BRINP3: variants seen among roughly 807,000 people sequenced by gnomAD.
The protein encoded by BRINP3 is BMP/retinoic acid inducible neural specific 3, also known as BMP/retinoic acid-inducible neural-specific protein 3.
A neutral mutation model predicts 71.0 loss-of-function variants in BRINP3; 19 were observed. That is an observed-to-expected ratio of 0.27 (90% CI 0.19 to 0.39). BRINP3 has a LOEUF of 0.39. BRINP3 is among the 10% of genes least tolerant of loss of function. The pLI is 1.00. For missense variants in BRINP3, 959 were observed against 940.8 expected (o/e 1.02, Z -0.25); for synonymous variants, 380 against 337.7 (o/e 1.13, Z -1.37).
At chr1:190,317,561 T>C (rs1422500706) in intron 2 of BRINP3, among the ~76,000 whole-genome samples, 2 of 152,304 alleles carry the variant, frequency 1.3e-5, no homozygotes, top group East Asian at 1.9e-4. Flanking sequence ...ATATTCATCA[T>C]TCCCTTTCTC....
intron 2 of BRINP3, among the ~76,000 whole-genome samples, chr1:190,287,084 G>A (rs1474491136): frequency 3.3e-5 from 5 of 150,868 alleles, no homozygotes; most frequent in East Asian, 2.0e-4. Context: ...AAAAATAGCC[G>A]ACTGTGGTGG....
chr1:190,115,645 A>C (rs777705665), intron 7 of BRINP3, among the ~76,000 whole-genome samples: 8 of 152,086 alleles, frequency 5.3e-5, no homozygotes, highest in Non-Finnish European at 8.8e-5. Flanking sequence ...GAACATCCCG[A>C]CTCTCTGCCT....
chr1:190,297,381 G>C (rs1010416245), intron 2 of BRINP3, among the ~76,000 whole-genome samples: 1 of 151,684 alleles, frequency 6.6e-6, no homozygotes, highest in Non-Finnish European at 1.5e-5. Flanking sequence ...ACTCAAAAAA[G>C]ATTAAAGACT....
chr1:190,241,589 G>T (rs1410531639), intron 4 of BRINP3, among the ~76,000 whole-genome samples: 1 of 151,896 alleles, frequency 6.6e-6, no homozygotes, highest in Non-Finnish European at 1.5e-5. Context: ...AAAAAATATT[G>T]CTATGAATGT....
At chr1:190,263,780 G>T (rs958356658) in intron 4 of BRINP3, among the ~76,000 whole-genome samples, 2 of 151,696 alleles carry the variant, frequency 1.3e-5, no homozygotes, top group African/African-American at 2.4e-5. Context: ...AGTAGAGAGG[G>T]TTTCACTGTG....
chr1:190,409,247 A>G (rs1442162022), intron 2 of BRINP3, among the ~76,000 whole-genome samples: 1 of 152,154 alleles, frequency 6.6e-6, no homozygotes, highest in South Asian at 2.1e-4. Context: ...AAAAATAATA[A>G]TAGTAAATAA....
intron 2 of BRINP3, among the ~76,000 whole-genome samples, chr1:190,313,596 A>G (rs995392234): frequency 3.9e-5 from 6 of 152,020 alleles, no homozygotes; most frequent in African/African-American, 1.4e-4. Context: ...TATTCTTACA[A>G]CATCATCAAC....
rs200538896 is a variant in BRINP3, at chr1:190,168,461, G to A, written c.962-7571C>T. ...TCAGAGTGTGGTCTTATAAAAATCC[G>A]GTAATAAATTCAATTTCTCCTATAT... is the stretch of plus-strand genomic sequence containing the variant. On this transcript the variant is annotated intron_variant, in intron 6 of 7. Coordinates refer to ENST00000367462, the MANE Select transcript of BRINP3 (RefSeq NM_199051.3). Among the ~76,000 whole-genome samples the A allele has an allele frequency of 3.7e-4, 56 of 152,138 alleles. No homozygotes were observed. The East Asian group carries it at 6.6e-3, about 18-fold the overall frequency.
chr1:190,208,588 C>T (rs924942548), intron 6 of BRINP3, among the ~76,000 whole-genome samples: 4 of 151,948 alleles, frequency 2.6e-5, no homozygotes, highest in South Asian at 2.1e-4. Context: ...CTCTGTCTCC[C>T]GGTTCAAGCG....
chr1:190,280,134 G>C (rs1662923362), intron 3 of BRINP3, among the ~76,000 whole-genome samples: 2 of 151,874 alleles, frequency 1.3e-5, no homozygotes, highest in South Asian at 4.1e-4. Context: ...ATGTGATCAT[G>C]AAATAGTAGA....
chr1:190,470,217 T>C (rs1399614387), intron 1 of BRINP3, among the ~76,000 whole-genome samples: 1 of 151,036 alleles, frequency 6.6e-6, no homozygotes, highest in Admixed American at 6.6e-5. Flanking sequence ...CCTGATGAGC[T>C]TGGCTAATAC....
intron 7 of BRINP3, among the ~76,000 whole-genome samples, chr1:190,148,131 T>G (rs1475191496): frequency 6.6e-6 from 1 of 152,108 alleles, no homozygotes; most frequent in East Asian, 1.9e-4. Flanking sequence ...ACAATTCTAT[T>G]TTATATATTT....
chr1:190,128,011 T>A (rs908566020), intron 7 of BRINP3, among the ~76,000 whole-genome samples: 4 of 151,844 alleles, frequency 2.6e-5, no homozygotes, highest in African/African-American at 9.7e-5. Context: ...ATATCAATGC[T>A]GCTTTCAATT....
At chr1:190,220,107 A>G (rs980606333) in intron 6 of BRINP3, among the ~76,000 whole-genome samples, 2 of 152,058 alleles carry the variant, frequency 1.3e-5, no homozygotes, top group African/African-American at 4.8e-5. Context: ...ATCTGGGAAT[A>G]CTAGTCAGAT....
At chr1:190,307,264 T>TG (rs1269033421) in intron 2 of BRINP3, among the ~76,000 whole-genome samples, 9 of 118,670 alleles carry the variant, frequency 7.6e-5, no homozygotes, top group African/African-American at 1.9e-4. Flanking sequence ...CATTGTTTTT[T>TG]TTTTTTTTTT....
At chr1:190,103,729 A>T (rs1318281616) in intron 7 of BRINP3, among the ~76,000 whole-genome samples, 1 of 152,036 alleles carries the variant, frequency 6.6e-6, no homozygotes, top group East Asian at 1.9e-4. Context: ...ATGGCTTTTA[A>T]TTTATATGCA....
At chr1:190,281,404 A>G (rs571276867) in intron 3 of BRINP3, among the ~76,000 whole-genome samples, 156 bp downstream of exon 3, 78 of 152,114 alleles carry the variant, frequency 5.1e-4, no homozygotes, top group Admixed American at 1.3e-3. Flanking sequence ...ACTGTGTGGG[A>G]CATTTAATAA....
intron 2 of BRINP3, among the ~76,000 whole-genome samples, chr1:190,310,117 T>A (rs1243410167): frequency 6.7e-6 from 1 of 149,118 alleles, no homozygotes; most frequent in African/African-American, 2.5e-5. Flanking sequence ...TTTTTTTTTT[T>A]AAGTGCAGTT....
At chr1:190,169,322 T>C (rs189935850) in intron 6 of BRINP3, among the ~76,000 whole-genome samples, 1 of 152,300 alleles carries the variant, frequency 6.6e-6, no homozygotes, top group Non-Finnish European at 1.5e-5. Context: ...TCTGGTGACA[T>C]TACTGATAAT....
Sources: allele counts gnomAD v4.1 joint callset (sites outside exome capture counted in the v4.1 genomes callset), GRCh38; gene constraint gnomAD v4.1.1; transcripts MANE v1.5; gene names NCBI Gene and HGNC (gene_info 2026-07-23, HGNC 2026-07-21).